Variants in GRIP1 observed in about 807,000 individuals in gnomAD.
GRIP1 encodes glutamate receptor-interacting protein 1.
GRIP1 carries 45 observed loss-of-function variants against 129.9 expected under a neutral mutation model. The ratio of observed to expected loss-of-function variants is 0.35; its 90% confidence interval spans 0.27 to 0.44. The LOEUF is 0.44. Among genes scored for constraint, GRIP1 ranks in the 20% least tolerant of loss-of-function variants. GRIP1 has a pLI of 1.00. For missense variants in GRIP1, 1,196 were observed against 1,396.8 expected, an observed-to-expected ratio of 0.86 and a Z score of 2.29; for synonymous variants, 530 against 520.8, an observed-to-expected ratio of 1.02 and a Z score of -0.24.
intron 7 of GRIP1, among the ~76,000 whole-genome samples, chr12:66,471,625 T>C (rs1055748480): frequency 2.6e-5 from 4 of 152,218 alleles, no homozygotes; most frequent in Non-Finnish European, 4.4e-5. Context: ...GTTCTCACTA[T>C]TGGAAAGGAG....
At chr12:66,850,235 C>T (rs2039887591) in intron 1 of GRIP1, among the ~76,000 whole-genome samples, 1 of 152,052 alleles carries the variant, frequency 6.6e-6, no homozygotes, top group South Asian at 2.1e-4. Context: ...TACATTATTC[C>T]TCTAGGAAGC....
chr12:66,436,299 T>C (rs1384358849), intron 13 of GRIP1, among the ~76,000 whole-genome samples: 3 of 152,088 alleles, frequency 2.0e-5, no homozygotes, highest in African/African-American at 7.2e-5. Flanking sequence ...AACGTTTAAC[T>C]CCCACCAATG....
rs1365197299 is a variant in GRIP1 at position 66,711,748 on chromosome 12, C to CCA, written c.-419-81413_-419-81412insTG. On this transcript the variant is annotated intron_variant, in intron 1 of 4. Transcript: ENST00000538373. ...ACCTACCAACAATATTCTTTAGGGACTCAAAATTGGCCTGTCTGGGTCTGC... is the reference window on the plus strand; with the variant it reads ...ACCTACCAACAATATTCTTTAGGGACCATCAAAATTGGCCTGTCTGGGTCTGC... Among the ~76,000 whole-genome samples the CCA allele has an allele frequency of 4.5e-4, 68 of 151,912 alleles. 1 individual carries two copies. Among genetic ancestry groups the CCA allele is most frequent in the African/African-American group, 1.6e-3 (68 of 41,500 alleles).
chr12:66,522,882 G>A (rs1041454364), intron 5 of GRIP1, among the ~76,000 whole-genome samples: 1 of 152,286 alleles, frequency 6.6e-6, no homozygotes, highest in East Asian at 1.9e-4. Flanking sequence ...TGTGAAGAAT[G>A]CAGAAGCCTC....
At chr12:66,860,993 A>C (rs1388779623) in intron 1 of GRIP1, among the ~76,000 whole-genome samples, 1 of 152,048 alleles carries the variant, frequency 6.6e-6, no homozygotes, top group Non-Finnish European at 1.5e-5. Flanking sequence ...AAAAAAGGGG[A>C]GGGCTACCCA....
At chr12:66,358,038 C>T (rs1258601980) in intron 23 of GRIP1, among the ~76,000 whole-genome samples, 1 of 152,120 alleles carries the variant, frequency 6.6e-6, no homozygotes, top group African/African-American at 2.4e-5. Context: ...AGATTACAGG[C>T]ACCTGCCCCT....
chr12:66,694,692 T>C (rs1467874610), intron 1 of GRIP1, among the ~76,000 whole-genome samples: 1 of 152,200 alleles, frequency 6.6e-6, no homozygotes, highest in Non-Finnish European at 1.5e-5. Flanking sequence ...TAACTTATTA[T>C]TTCTGAGGTC....
chr12:66,773,735 C>T (rs1334562441), intron 1 of GRIP1, among the ~76,000 whole-genome samples: 1 of 152,064 alleles, frequency 6.6e-6, no homozygotes, highest in Non-Finnish European at 1.5e-5. Flanking sequence ...ATAAAAGAAC[C>T]AAATCACTGC....
At chr12:67,066,188 C>T (rs912984601) in intron 1 of GRIP1, among the ~76,000 whole-genome samples, 2 of 151,998 alleles carry the variant, frequency 1.3e-5, no homozygotes, top group African/African-American at 2.4e-5. Flanking sequence ...GAGATGAACC[C>T]GAGTAATGAA....
At chr12:66,588,367 C>T (rs957622899) in intron 2 of GRIP1, among the ~76,000 whole-genome samples, 12 of 152,142 alleles carry the variant, frequency 7.9e-5, no homozygotes, top group African/African-American at 2.7e-4. Context: ...ACTCATTAAC[C>T]CCCCTCTAAT....
chr12:66,797,280 C>T (rs1338788552), intron 1 of GRIP1, among the ~76,000 whole-genome samples: 2 of 152,156 alleles, frequency 1.3e-5, no homozygotes, highest in East Asian at 1.9e-4. Context: ...ATGTTAAATG[C>T]ACTGCAGTTA....
intron 15 of GRIP1, among the ~76,000 whole-genome samples, chr12:66,408,339 C>T (rs1255081301): frequency 5.3e-5 from 8 of 152,000 alleles, no homozygotes; most frequent in Non-Finnish European, 1.5e-5. Context: ...GTTAGCCAGG[C>T]GTGGTGGTGC....
At chr12:66,898,480 C>G (rs1278673458) in intron 1 of GRIP1, among the ~76,000 whole-genome samples, 1 of 152,036 alleles carries the variant, frequency 6.6e-6, no homozygotes, top group Admixed American at 6.6e-5. Context: ...CTCCTTTAAC[C>G]TTTTGTTAAA....
chr12:66,459,945 A>AT (rs2059085508), intron 9 of GRIP1, among the ~76,000 whole-genome samples: 1 of 152,230 alleles, frequency 6.6e-6, no homozygotes, highest in Non-Finnish European at 1.5e-5. Flanking sequence ...AATAAAGCCA[A>AT]TAATTGTAGC....
At chr12:67,024,075 A>G (rs1019204303) in intron 1 of GRIP1, among the ~76,000 whole-genome samples, 1 of 152,166 alleles carries the variant, frequency 6.6e-6, no homozygotes, top group Admixed American at 6.5e-5. Context: ...GCAAGCAAAA[A>G]GCCCTTTTCA....
At chr12:66,372,170 C>G (rs981786887) in intron 22 of GRIP1, 4 of 581,340 alleles carry the variant, frequency 6.9e-6, no homozygotes, top group Non-Finnish European at 1.2e-5. Flanking sequence ...TTTATTTAAT[C>G]AAATACCACC....
chr12:66,415,462 A>G (rs1592809511), intron 15 of GRIP1, among the ~76,000 whole-genome samples: 1 of 152,218 alleles, frequency 6.6e-6, no homozygotes, highest in Non-Finnish European at 1.5e-5. Flanking sequence ...ATGCTTTTAC[A>G]TGGTTGGTGG....
intron 1 of GRIP1, among the ~76,000 whole-genome samples, chr12:66,952,159 A>C (rs1465860427): frequency 2.0e-5 from 3 of 152,110 alleles, no homozygotes; most frequent in Non-Finnish European, 4.4e-5. Context: ...AACGGGATTG[A>C]GCCTTGAGGG....
At chr12:66,933,413 T>C (rs2137415168) in intron 1 of GRIP1, among the ~76,000 whole-genome samples, 1 of 152,344 alleles carries the variant, frequency 6.6e-6, no homozygotes, top group South Asian at 2.1e-4. Context: ...ATAACTCTAG[T>C]CTTTGGGTAA....
Sources: gnomAD v4.1 joint callset for allele counts (sites outside exome capture counted in the v4.1 genomes callset) on GRCh38, gnomAD v4.1.1 for gene constraint, MANE v1.5 for transcripts, NCBI Gene and HGNC (gene_info 2026-07-23, HGNC 2026-07-21) for gene names.